Variants in RTN1 observed in about 807,000 individuals in gnomAD.
RTN1 encodes the protein reticulon-1.
A neutral mutation model predicts 65.5 loss-of-function variants in RTN1; 25 were observed. The observed-to-expected ratio is 0.38, with a 90% confidence interval of 0.28 to 0.53. RTN1 has a LOEUF of 0.53. RTN1 is among the 20% of genes least tolerant of loss of function. The probability of loss-of-function intolerance (pLI) is 0.79; values close to 1 mark genes in which losing one functional copy is unlikely to be tolerated. For synonymous variants in RTN1, 471 were observed against 447.6 expected (o/e 1.05, Z -0.66); for missense variants, 983 against 1,025.4 (o/e 0.96, Z 0.57).
chr14:59,778,988 CA>C (rs1224927542), intron 1 of RTN1, among the ~76,000 whole-genome samples: 1 of 152,044 alleles, frequency 6.6e-6, no homozygotes, highest in Non-Finnish European at 1.5e-5. Context: ...GACCTGATTT[CA>C]GAAAAGTCAC....
chr14:59,679,173 T>C (rs1229196065), intron 3 of RTN1, among the ~76,000 whole-genome samples: 1 of 152,204 alleles, frequency 6.6e-6, no homozygotes, highest in Non-Finnish European at 1.5e-5. Context: ...TTATCATGTG[T>C]AATTGTTAGG....
At chr14:59,678,454 G>A (rs1566682482) in intron 3 of RTN1, among the ~76,000 whole-genome samples, 1 of 152,118 alleles carries the variant, frequency 6.6e-6, no homozygotes, top group Non-Finnish European at 1.5e-5. Context: ...AAACATTTAG[G>A]TATCTACAGA....
intron 3 of RTN1, among the ~76,000 whole-genome samples, chr14:59,656,621 T>C (rs991305512): frequency 6.6e-6 from 1 of 152,234 alleles, no homozygotes; most frequent in Non-Finnish European, 1.5e-5. Context: ...CAGCCTGTCC[T>C]CTGTCTCAGC....
At chr14:59,759,727 T>C (rs770431296) in intron 1 of RTN1, among the ~76,000 whole-genome samples, 9 of 149,248 alleles carry the variant, frequency 6.0e-5, no homozygotes, top group South Asian at 2.1e-4. Flanking sequence ...AAACAGAGAA[T>C]ATAAACAAAC....
At chr14:59,613,856 A>C (rs2093049) in intron 3 of RTN1, among the ~76,000 whole-genome samples, 72,014 of 151,888 alleles carry the variant, frequency 0.47, 18,702 homozygotes, top group East Asian at 0.84. Context: ...ATTTAAAAGC[A>C]GATAAATCCC....
intron 2 of RTN1, among the ~76,000 whole-genome samples, chr14:59,737,188 T>G (rs972824164): frequency 6.6e-6 from 1 of 152,168 alleles, no homozygotes; most frequent in Admixed American, 6.5e-5. Context: ...GAGAAAGAAA[T>G]AAATTGTTTT....
rs756584587 is a variant in RTN1 at position 59,727,355 on chromosome 14, C to T, written c.1329G>A (p.Ser443=). Residue 443 remains serine (S), a synonymous_variant, in exon 3 of 9, where the codon TCG becomes TCA. Coordinates refer to ENST00000267484, the MANE Select transcript of RTN1 (RefSeq NM_021136.3). The surrounding 1 kb of genome is among the most constrained non-coding windows in gnomAD (Gnocchi z 4.2). ...SFGHVGGPPP[S]PASPSIQYSI... The stretch of plus-strand genomic sequence containing the variant: ...TGTACTGGATGGATGGCGAGGCGGG[C>T]GAGGGCGGCGGGCCGCCCACGTGGC... The T allele has an allele frequency of 2.0e-6, 3 of 1,506,856 alleles. No individual in the cohort carries two copies. Among genetic ancestry groups the T allele is most frequent in the South Asian group, 1.3e-5 (1 of 77,356 alleles). The allele number at this position is 1,506,856 out of a possible 1,614,324, so 93.3% of individuals were successfully genotyped here.
chr14:59,610,373 C>A, intron 3 of RTN1: 1 of 549,258 alleles, frequency 1.8e-6, no homozygotes, highest in Non-Finnish European at 3.2e-6. Flanking sequence ...AAACAACAGG[C>A]TGTTGGTTCT....
intron 1 of RTN1, among the ~76,000 whole-genome samples, chr14:59,784,556 T>C (rs556355881): frequency 6.6e-6 from 1 of 152,336 alleles, no homozygotes; most frequent in South Asian, 2.1e-4. Context: ...TTGCTGTTTG[T>C]CTTTTGGGTT....
chr14:59,812,082 C>G (rs1886739427), intron 1 of RTN1, among the ~76,000 whole-genome samples: 1 of 152,162 alleles, frequency 6.6e-6, no homozygotes, highest in Non-Finnish European at 1.5e-5. Flanking sequence ...TTCACTGAAT[C>G]TTCAGAAGCA....
chr14:59,870,665 G>A lies in RTN1; in HGVS notation c.-35C>T. 2 of 1,345,674 alleles carry A rather than the reference G, an allele frequency of 1.5e-6. No homozygotes were observed. The highest frequency in any genetic ancestry group is 1.9e-6 in the Non-Finnish European group (2 of 1,056,988). 83.4% of individuals were successfully genotyped at this position (1,345,674 alleles called of 1,614,324 possible). A position where few individuals can be genotyped will look rare whatever the true frequency, so the allele number is the denominator to read the frequency against. ...TCCCCCGGCGCGGCGACGGCGGCTTGGCTGGGCAGAGGCTCGGTGGCTGCG... is the reference window on the plus strand; with the variant it reads ...TCCCCCGGCGCGGCGACGGCGGCTTAGCTGGGCAGAGGCTCGGTGGCTGCG... On this transcript the variant is annotated 5_prime_UTR_variant, in exon 1 of 9. Coordinates refer to ENST00000267484, the MANE Select transcript of RTN1 (RefSeq NM_021136.3). The surrounding 1 kb of genome is among the most constrained non-coding windows in gnomAD (Gnocchi z 5.1).
chr14:59,777,009 C>T (rs1447764571), intron 1 of RTN1, among the ~76,000 whole-genome samples: 1 of 152,160 alleles, frequency 6.6e-6, no homozygotes, highest in Non-Finnish European at 1.5e-5. Flanking sequence ...CACTGAAAGG[C>T]TACAACAGGC....
chr14:59,810,013 G>C (rs1182157473), intron 1 of RTN1, among the ~76,000 whole-genome samples: 1 of 152,142 alleles, frequency 6.6e-6, no homozygotes, highest in Non-Finnish European at 1.5e-5. Context: ...TACGTTCCTA[G>C]CCCTGTGCTA....
At chr14:59,765,662 A>G (rs371413949) in intron 1 of RTN1, among the ~76,000 whole-genome samples, 2 of 152,358 alleles carry the variant, frequency 1.3e-5, no homozygotes, top group East Asian at 3.9e-4. Context: ...TTTGTTCTGT[A>G]AGATTTTATA....
intron 3 of RTN1, among the ~76,000 whole-genome samples, chr14:59,704,679 A>T (rs1265462076): frequency 6.6e-6 from 1 of 152,226 alleles, no homozygotes; most frequent in African/African-American, 2.4e-5. Flanking sequence ...TCAAATTGCC[A>T]GTCACTGAGA....
rs1195401902 is a variant in RTN1, at chr14:59,749,198, CTATA to C, written c.242-2721_242-2718del. On this transcript the variant is annotated intron_variant, in intron 1 of 8. Transcript: ENST00000267484. ...TATCTATATATCTATCTATATATATCTATATATATATCTATATATATCTATATAT... is the reference window on the plus strand; with the variant it reads ...TATCTATATATCTATCTATATATATCTATATATCTATATATATCTATATAT... Among the ~76,000 whole-genome samples the C allele has an allele frequency of 7.0e-3, 314 of 45,134 alleles. 42 individuals are homozygous for C. Among genetic ancestry groups the C allele is most frequent in the African/African-American group, 0.04 (293 of 7,414 alleles). 29.6% of individuals were successfully genotyped at this position (45,134 alleles called of 152,430 possible).
At chr14:59,680,207 T>C (rs1453971530) in intron 3 of RTN1, among the ~76,000 whole-genome samples, 1 of 152,206 alleles carries the variant, frequency 6.6e-6, no homozygotes, top group Non-Finnish European at 1.5e-5. Context: ...GGATACTTTG[T>C]TTTTGAAAGA....
At chr14:59,643,122 C>T (rs1187456927) in intron 3 of RTN1, among the ~76,000 whole-genome samples, 1 of 152,128 alleles carries the variant, frequency 6.6e-6, no homozygotes, top group Non-Finnish European at 1.5e-5. Flanking sequence ...AAAGAAAGAA[C>T]ACAAGGCCAA....
chr14:59,617,942 T>C (rs1190844977), intron 3 of RTN1, among the ~76,000 whole-genome samples: 1 of 152,146 alleles, frequency 6.6e-6, no homozygotes, highest in African/African-American at 2.4e-5. Flanking sequence ...CCTTGTCCCA[T>C]CTTCACAGCC....
Sources: allele counts gnomAD v4.1 joint callset (sites outside exome capture counted in the v4.1 genomes callset), GRCh38; gene constraint gnomAD v4.1.1; non-coding constraint Gnocchi (gnomAD v3.1); transcripts MANE v1.5; gene names NCBI Gene and HGNC (gene_info 2026-07-23, HGNC 2026-07-21).